Variants in SCAPER observed in about 807,000 individuals in gnomAD.
SCAPER encodes the protein S-phase cyclin A associated protein in the ER.
Under a neutral mutation model 182.2 loss-of-function variants are expected in SCAPER, and 98 were observed. The ratio of observed to expected loss-of-function variants is 0.54; its 90% confidence interval spans 0.46 to 0.64. SCAPER has a LOEUF of 0.64. Among genes scored for constraint, SCAPER ranks in the 30% least tolerant of loss-of-function variants. SCAPER has a pLI of 0.00. For synonymous variants in SCAPER, 605 were observed against 564.6 expected (o/e 1.07, Z -1.01); for missense variants, 1,432 against 1,690.0 (o/e 0.85, Z 2.68).
chr15:76,759,342 G>A (rs1342448586), intron 14 of SCAPER, among the ~76,000 whole-genome samples: 1 of 152,160 alleles, frequency 6.6e-6, no homozygotes, highest in Admixed American at 6.5e-5. Flanking sequence ...GGTGGCATCT[G>A]ATAAGGTTCT....
intron 24 of SCAPER, among the ~76,000 whole-genome samples, chr15:76,494,296 C>A (rs1039985531): frequency 1.3e-5 from 2 of 152,200 alleles, no homozygotes; most frequent in Non-Finnish European, 2.9e-5. Context: ...CTGGATCTTA[C>A]GTGAACATTT....
At chr15:76,903,026 A>C (rs1256993110) in intron 1 of SCAPER, among the ~76,000 whole-genome samples, 1 of 150,242 alleles carries the variant, frequency 6.7e-6, no homozygotes, top group South Asian at 2.1e-4. Context: ...GCGCCACTGC[A>C]CTCCAGCCTG....
At chr15:76,596,509 A>C (rs2049510176) in intron 22 of SCAPER, among the ~76,000 whole-genome samples, 1 of 120,578 alleles carries the variant, frequency 8.3e-6, no homozygotes, top group African/African-American at 2.5e-5. Context: ...GAGACACAAC[A>C]AAAAAAGAAA....
At chr15:76,812,456 C>A (rs1284638124) in intron 5 of SCAPER, among the ~76,000 whole-genome samples, 1 of 147,106 alleles carries the variant, frequency 6.8e-6, no homozygotes, top group African/African-American at 2.5e-5. Context: ...CAACTGCACT[C>A]CAGCCTGGGT....
chr15:76,802,804 G>A (rs1038047868), intron 6 of SCAPER, among the ~76,000 whole-genome samples: 1 of 152,204 alleles, frequency 6.6e-6, no homozygotes, highest in African/African-American at 2.4e-5. Context: ...TTGCTTGGCA[G>A]GAGGCGGGGG....
At chr15:76,554,420 T>C (rs1013533614) in intron 23 of SCAPER, among the ~76,000 whole-genome samples, 1 of 152,158 alleles carries the variant, frequency 6.6e-6, no homozygotes, top group Non-Finnish European at 1.5e-5. Flanking sequence ...GAGAATATCA[T>C]CCATGAAAAT....
intron 15 of SCAPER, among the ~76,000 whole-genome samples, chr15:76,747,583 G>A: frequency 6.6e-6 from 1 of 152,110 alleles, no homozygotes; most frequent in East Asian, 1.9e-4. Flanking sequence ...AAGTGTTTGG[G>A]TCATGGGAAC....
chr15:76,836,167 C>T (rs1287290068), intron 5 of SCAPER, among the ~76,000 whole-genome samples: 1 of 152,044 alleles, frequency 6.6e-6, no homozygotes, highest in Non-Finnish European at 1.5e-5. Flanking sequence ...CTACCAACTA[C>T]CAATGCCAAT....
In SCAPER at chr15:76,467,971, T is replaced by C. The variant is rs2049822213; in HGVS notation, c.3078+3241A>G. Among the ~76,000 whole-genome samples, 7 of 152,218 alleles carry C rather than the reference T, an allele frequency of 4.6e-5. No homozygotes were observed. The South Asian group carries it at 1.4e-3, about 31-fold the overall frequency. On this transcript the variant is annotated intron_variant, in intron 25 of 31. Coordinates refer to ENST00000563290, the MANE Select transcript of SCAPER (RefSeq NM_020843.4). ...AGTACCTGATGATAATCAGTTGTCT[T>C]ATAAATAACACCAGATCACAATTAA... is the stretch of plus-strand genomic sequence containing the variant.
chr15:76,484,754 G>A (rs283790), intron 24 of SCAPER, among the ~76,000 whole-genome samples: 149,014 of 152,264 alleles, frequency 0.98, 72,995 homozygotes, highest in South Asian at 1. Flanking sequence ...TTGGCTCAAC[G>A]TAAGCATATC....
intron 24 of SCAPER, among the ~76,000 whole-genome samples, chr15:76,490,353 G>A (rs747138921): frequency 1.6e-4 from 24 of 152,116 alleles, no homozygotes; most frequent in Non-Finnish European, 2.5e-4. Context: ...GTGCTATTTC[G>A]TTGTGGTTTT....
chr15:76,648,180 A>G (rs910329156), intron 21 of SCAPER, among the ~76,000 whole-genome samples: 1 of 102,062 alleles, frequency 9.8e-6, no homozygotes, highest in African/African-American at 2.6e-5. Context: ...AACATATTAA[A>G]TGAAAACATA....
At chr15:76,403,026 C>T (rs563998990) in intron 27 of SCAPER, among the ~76,000 whole-genome samples, 12 of 152,208 alleles carry the variant, frequency 7.9e-5, no homozygotes, top group South Asian at 6.2e-4. Context: ...GATCTGGATT[C>T]GAGAAAATAC....
intron 29 of SCAPER, among the ~76,000 whole-genome samples, chr15:76,355,454 A>T (rs2040888065): frequency 6.6e-6 from 1 of 152,238 alleles, no homozygotes; most frequent in African/African-American, 2.4e-5. Context: ...CATTTACTTA[A>T]ATCTTTATTT....
intron 27 of SCAPER, among the ~76,000 whole-genome samples, chr15:76,392,756 G>GCCCA (rs970135583): frequency 9.2e-5 from 14 of 152,144 alleles, no homozygotes; most frequent in Admixed American, 6.5e-4. Context: ...CTGAAACTGA[G>GCCCA]CCCACATCTT....
At chr15:76,832,338 T>C (rs1229075265) in intron 5 of SCAPER, among the ~76,000 whole-genome samples, 4 of 152,174 alleles carry the variant, frequency 2.6e-5, no homozygotes, top group African/African-American at 7.2e-5. Context: ...CACAATACAA[T>C]TGGAAGAATT....
At position 76,862,417 on chromosome 15, in the gene SCAPER, A is replaced by G; in HGVS notation, c.123T>C (p.Asp41=). ...WSVPLESKDD[D]GKPKCQTGGK... Reference sequence around the variant, plus strand: ...GAAACTAATTTTTTAAATACATACCATCATCATCTTTGCTTTCTAGTGGAA... The same window carrying G: ...GAAACTAATTTTTTAAATACATACCGTCATCATCTTTGCTTTCTAGTGGAA... The change falls in exon 3 of 32, where the codon GAT becomes GAC. Residue 41 remains aspartate (D), a splice_region_variant and synonymous_variant. Coordinates refer to ENST00000563290, the MANE Select transcript of SCAPER (RefSeq NM_020843.4). 6.3e-7 allele frequency: 1 copy of G among 1,587,702 alleles called. No homozygotes were observed.
At chr15:76,786,515 A>G (rs571695200) in intron 8 of SCAPER, among the ~76,000 whole-genome samples, 84 of 152,234 alleles carry the variant, frequency 5.5e-4, no homozygotes, top group African/African-American at 1.7e-3. Flanking sequence ...AACATCCATA[A>G]AAATACCTAC....
intron 18 of SCAPER, among the ~76,000 whole-genome samples, chr15:76,704,269 G>T (rs1439487848): frequency 6.6e-6 from 1 of 152,106 alleles, no homozygotes; most frequent in Non-Finnish European, 1.5e-5. Context: ...CCATTTTGTA[G>T]GTTGCCTGTT....
Sources: allele counts gnomAD v4.1 joint callset (sites outside exome capture counted in the v4.1 genomes callset), GRCh38; gene constraint gnomAD v4.1.1; transcripts MANE v1.5; gene names NCBI Gene and HGNC (gene_info 2026-07-23, HGNC 2026-07-21).